Variants in TLL2 observed in about 807,000 individuals in gnomAD.
The protein encoded by TLL2 is tolloid-like protein 2.
A neutral mutation model predicts 123.0 loss-of-function variants in TLL2; 106 were observed. The observed-to-expected ratio is 0.86, with a 90% CI of 0.74 to 1.01. The LOEUF (loss-of-function observed/expected upper bound fraction) is 1.01, where lower values mean the gene tolerates loss of function less well. TLL2 is among the 50% of genes least tolerant of loss of function. TLL2 has a pLI of 0.00. For synonymous variants in TLL2, 494 were observed against 516.8 expected (o/e 0.96, Z 0.60); for missense variants, 1,332 against 1,336.7 (o/e 1.00, Z 0.06).
chr10:96,454,781 T>G (rs1846995390), intron 2 of TLL2, among the ~76,000 whole-genome samples: 1 of 152,194 alleles, frequency 6.6e-6, no homozygotes, highest in South Asian at 2.1e-4. Context: ...ATTGAGTTAG[T>G]GATCATAGCT....
intron 7 of TLL2, 42 bp downstream of exon 7, chr10:96,420,914 G>A: frequency 6.3e-7 from 1 of 1,581,476 alleles, no homozygotes; most frequent in Non-Finnish European, 8.7e-7. Context: ...GCCTGCCGCA[G>A]GCACAGTAAA....
chr10:96,513,183 G>C (rs1452852692), intron 1 of TLL2, among the ~76,000 whole-genome samples: 1 of 152,134 alleles, frequency 6.6e-6, no homozygotes, highest in Non-Finnish European at 1.5e-5. Flanking sequence ...GTCTGGCGGT[G>C]GCCAGTGCTG....
At chr10:96,445,384 A>G (rs1846888769) in intron 3 of TLL2, among the ~76,000 whole-genome samples, 1 of 152,070 alleles carries the variant, frequency 6.6e-6, no homozygotes, top group African/African-American at 2.4e-5. Flanking sequence ...AGAAACTCTT[A>G]AACAACCAGC....
chr10:96,482,460 G>A (rs544692900), intron 1 of TLL2, among the ~76,000 whole-genome samples: 5 of 152,234 alleles, frequency 3.3e-5, no homozygotes, highest in East Asian at 3.9e-4. Flanking sequence ...TGAACACAAC[G>A]TGGCATATCT....
Position 96,387,730 on chromosome 10 carries a change from G to A in TLL2, c.1727-652C>T, listed in dbSNP as rs1305614259. Among the ~76,000 whole-genome samples, 9 of 152,214 alleles carry A rather than the reference G, an allele frequency of 5.9e-5. No individual in the cohort carries two copies. The East Asian group carries it at 1.5e-3, about 26-fold the overall frequency. The stretch of plus-strand genomic sequence containing the variant: ...CGTTGGATGGGATTCAGCACCAAGG[G>A]CCTAGTGATGCGTTTGGGGCGACTA... On this transcript the variant is annotated intron_variant, in intron 13 of 20. Coordinates refer to ENST00000357947, the MANE Select transcript of TLL2 (RefSeq NM_012465.4).
chr10:96,384,749 C>T lies in TLL2; in HGVS notation c.2032G>A (p.Val678Ile), dbSNP rs372280169. 1.3e-6 allele frequency: 2 copies of T among 1,596,294 alleles called. No individual in the cohort carries two copies. Among genetic ancestry groups the T allele is most frequent in the Non-Finnish European group, 1.7e-6 (2 of 1,167,698 alleles). Residue 678 changes from valine to isoleucine, a missense_variant, in exon 16 of 21, where the codon GTA (valine) becomes ATA (isoleucine). By Grantham distance (29) the Val-to-Ile change is conservative (BLOSUM62 3). Transcript: ENST00000357947. ...GGGGACAGGCCGCTGCGCACCTCTA[C>T]AAAGTCGTACTTACAGACCTGCAAG... ...EGNDVCKYDF[V>I]EVRSGLSPDA...
chr10:96,435,186 C>A (rs1203793963), intron 3 of TLL2, among the ~76,000 whole-genome samples: 1 of 152,042 alleles, frequency 6.6e-6, no homozygotes, highest in East Asian at 1.9e-4. Context: ...TGCCCACCAC[C>A]ACACCCAGCT....
intron 2 of TLL2, among the ~76,000 whole-genome samples, chr10:96,452,343 A>G (rs147461501): frequency 5.4e-4 from 82 of 152,322 alleles, no homozygotes; most frequent in Middle Eastern, 6.8e-3. Flanking sequence ...AAAAACTGCA[A>G]GGAAAAAAGT....
At chr10:96,384,835 T>C in intron 15 of TLL2, 68 bp from the exon 16 acceptor site, 1 of 1,436,772 alleles carries the variant, frequency 7.0e-7, no homozygotes, top group Non-Finnish European at 9.3e-7. Flanking sequence ...AGCACACTGC[T>C]GCACCTGCTT....
Position 96,476,651 on chromosome 10 carries a change from GA to G in TLL2, c.286+3697del, listed in dbSNP as rs558028002. Among the ~76,000 whole-genome samples, 525 of 151,280 alleles carry G rather than the reference GA, an allele frequency of 3.5e-3. 5 individuals carry two copies. Among genetic ancestry groups the G allele is most frequent in the African/African-American group, 0.012 (499 of 41,194 alleles). On this transcript the variant is annotated intron_variant, in intron 2 of 20. Transcript: ENST00000357947. ...GCTTCTAAGAGGAAAAAAAAATACA[GA>G]AAAAAAATGGGAAACAATCTTCACA...
At chr10:96,428,502 A>G in intron 5 of TLL2, 129 bp downstream of exon 5, 2 of 645,426 alleles carry the variant, frequency 3.1e-6, no homozygotes, top group Non-Finnish European at 2.7e-6. Context: ...AAGGGCAGAA[A>G]GTTTCTAGCA....
intron 5 of TLL2, among the ~76,000 whole-genome samples, chr10:96,424,138 G>C (rs1237887278): frequency 6.6e-6 from 1 of 152,100 alleles, no homozygotes; most frequent in African/African-American, 2.4e-5. Flanking sequence ...GAGACTAGAA[G>C]GATGGTTACT....
At chr10:96,370,803 G>A (rs968253707) in intron 19 of TLL2, among the ~76,000 whole-genome samples, 1 of 152,148 alleles carries the variant, frequency 6.6e-6, no homozygotes, top group African/African-American at 2.4e-5. Context: ...CTCAACCCTG[G>A]AAACCTCAGA....
chr10:96,383,013 G>A (rs1224902092), intron 16 of TLL2, among the ~76,000 whole-genome samples: 1 of 151,876 alleles, frequency 6.6e-6, no homozygotes, highest in Non-Finnish European at 1.5e-5. Context: ...AACGCCACAG[G>A]CAGAGGGTAT....
intron 1 of TLL2, among the ~76,000 whole-genome samples, chr10:96,496,036 T>G (rs1847471778): frequency 6.6e-6 from 1 of 152,200 alleles, no homozygotes; most frequent in South Asian, 2.1e-4. Context: ...ATGAGGAAAC[T>G]GGGGTCCAAG....
At chr10:96,473,492 G>C (rs1160031546) in intron 2 of TLL2, among the ~76,000 whole-genome samples, 1 of 152,294 alleles carries the variant, frequency 6.6e-6, no homozygotes, top group East Asian at 1.9e-4. Flanking sequence ...ACAGGGCCCA[G>C]AGAGGGGACA....
chr10:96,451,717 G>A (rs1471315796), intron 2 of TLL2, among the ~76,000 whole-genome samples: 1 of 152,134 alleles, frequency 6.6e-6, no homozygotes, highest in Non-Finnish European at 1.5e-5. Context: ...TCTAAGGTGG[G>A]TATTATTCCC....
At chr10:96,445,984 A>G (rs1846894278) in intron 3 of TLL2, 107 bp downstream of exon 3, 1 of 1,136,708 alleles carries the variant, frequency 8.8e-7, no homozygotes, top group Non-Finnish European at 1.3e-6. Context: ...AATGTACTTA[A>G]TGCCACTAAA....
At chr10:96,420,805 T>C (rs929843339) in intron 7 of TLL2, 151 bp downstream of exon 7, 1 of 671,204 alleles carries the variant, frequency 1.5e-6, no homozygotes, top group African/African-American at 1.8e-5. Context: ...TATATTTCAC[T>C]GCAGCGCAGA....
Sources: gnomAD v4.1 joint callset for allele counts (sites outside exome capture counted in the v4.1 genomes callset) on GRCh38, gnomAD v4.1.1 for gene constraint, MANE v1.5 for transcripts, NCBI Gene and HGNC (gene_info 2026-07-23, HGNC 2026-07-21) for gene names.